The following SLC26A11 variants were observed in gnomAD, a reference collection of about 807,000 sequenced individuals.
SLC26A11 encodes solute carrier family 26 member 11, also known as sodium-independent sulfate anion transporter.
Under a neutral mutation model 62.2 loss-of-function variants are expected in SLC26A11, and 58 were observed. The observed-to-expected ratio is 0.93, with a 90% CI of 0.76 to 1.16. The LOEUF (loss-of-function observed/expected upper bound fraction) is 1.16. Among genes scored for constraint, SLC26A11 ranks in the 50% most tolerant of loss-of-function variants. The probability of loss-of-function intolerance (pLI) is 0.00; values close to 1 mark genes in which losing one functional copy is unlikely to be tolerated. For missense variants in SLC26A11, 790 were observed against 794.3 expected (o/e 0.99, Z 0.06); for synonymous variants, 411 against 368.9 (o/e 1.11, Z -1.31).
intron 9 of SLC26A11, 76 bp downstream of exon 9, chr17:80,237,670 C>A: frequency 7.1e-7 from 1 of 1,401,688 alleles, no homozygotes; most frequent in Non-Finnish European, 9.9e-7. Flanking sequence ...TCTAGCTTGC[C>A]TTTATCCGTT....
In SLC26A11 at chr17:80,246,513, G is replaced by C; in HGVS notation, c.1158G>C (p.Val386=). The change falls in exon 13 of 18, where the codon GTG becomes GTC. Residue 386 remains valine, a synonymous_variant. Transcript: ENST00000361193. The surrounding 1 kb of genome is among the most constrained non-coding windows in gnomAD (Gnocchi z 4.4). ...CTPAGGLVTG[V]LVLLSLDYLT... ...CTGTGTTCCCGTGCCCCGCAGGAGTGCTGGTGCTGCTGTCTCTGGACTACC... is the reference window on the plus strand; with the variant it reads ...CTGTGTTCCCGTGCCCCGCAGGAGTCCTGGTGCTGCTGTCTCTGGACTACC... 6.2e-7 allele frequency: 1 copy of C among 1,611,346 alleles called. No individual in the cohort carries two copies. Among genetic ancestry groups the C allele is most frequent in the South Asian group, 1.1e-5 (1 of 91,082 alleles).
Position 80,234,285 on chromosome 17 carries a change from G to A in SLC26A11, c.737-2643G>A, listed in dbSNP as rs144566348. On this transcript the variant is annotated intron_variant, in intron 7 of 17. Coordinates refer to ENST00000361193, the MANE Select transcript of SLC26A11 (RefSeq NM_001166347.2). Reference sequence around the variant, plus strand: ...CTCCCAAAGTGCTAGGATTACAGGCGTGAGCCACTTTGCCTGGCCTCAGGA... The same window carrying A: ...CTCCCAAAGTGCTAGGATTACAGGCATGAGCCACTTTGCCTGGCCTCAGGA... Among the ~76,000 whole-genome samples the A allele has an allele frequency of 7.0e-3, 1,065 of 152,286 alleles. 16 individuals carry two copies. The highest frequency in any genetic ancestry group is 0.024 in the African/African-American group (994 of 41,552).
Position 80,249,217 on chromosome 17 carries a change from TG to T in SLC26A11, c.1587del (p.Leu530TrpfsTer35). ...THVCSIDYTV[V>X]LGLGELLQDF... Reference sequence around the variant, plus strand: ...GTCTGCAGCATCGACTACACTGTGGTGCTGGGACTCGGCGAGCTCCTCCAGG... The same window carrying T: ...GTCTGCAGCATCGACTACACTGTGGTCTGGGACTCGGCGAGCTCCTCCAGG... On this transcript the variant is annotated frameshift_variant, in exon 16 of 18. Transcript: ENST00000361193. LOFTEE classifies it high-confidence loss of function. 6.2e-7 allele frequency: 1 copy of T among 1,611,418 alleles called. No individual in the cohort carries two copies.
intron 10 of SLC26A11, 106 bp from the exon 11 acceptor site, chr17:80,245,090 C>T: frequency 1.0e-6 from 1 of 991,920 alleles, no homozygotes; most frequent in Non-Finnish European, 1.6e-6. Context: ...TCTCCCGAGC[C>T]CTGCCTTCCT....
chr17:80,237,254 A>G, intron 8 of SLC26A11, 151 bp downstream of exon 8: 3 of 1,024,734 alleles, frequency 2.9e-6, no homozygotes, highest in Non-Finnish European at 4.1e-6. Context: ...TTATTAAAGA[A>G]TCCCAGGTTG....
Position 80,248,269 on chromosome 17 carries a change from T to G in SLC26A11, c.1422+12T>G. ...GGCCTGAGACCAAGGTACCCCTCCG[T>G]GGCCTCTGAGTGGGGAGTGTGCTGG... On this transcript the variant is annotated intron_variant, in intron 14 of 17. Coordinates refer to ENST00000361193, the MANE Select transcript of SLC26A11 (RefSeq NM_001166347.2). 1 of 1,604,544 alleles carries G rather than the reference T, an allele frequency of 6.2e-7. No homozygotes were observed. The highest frequency in any genetic ancestry group is 8.5e-7 in the Non-Finnish European group (1 of 1,177,300).
At chr17:80,235,354 T>A (rs1436081009) in intron 7 of SLC26A11, among the ~76,000 whole-genome samples, 1 of 152,124 alleles carries the variant, frequency 6.6e-6, no homozygotes, top group Non-Finnish European at 1.5e-5. Context: ...GTCTTTTTTT[T>A]ATTTTTTATT....
Position 80,252,618 on chromosome 17 carries a change from T to A in SLC26A11, c.1730-7T>A. 6.2e-7 allele frequency: 1 copy of A among 1,613,306 alleles called. No homozygotes were observed. The highest frequency in any genetic ancestry group is 8.5e-7 in the Non-Finnish European group (1 of 1,179,588). The stretch of plus-strand genomic sequence containing the variant: ...AGTGCTTGAAACATTTATTGTATTT[T>A]CTGCAGAGAAGCACCTGAGGCAGGA... On this transcript the variant is annotated splice_polypyrimidine_tract_variant and splice_region_variant and intron_variant, in intron 17 of 17. Coordinates refer to ENST00000361193, the MANE Select transcript of SLC26A11 (RefSeq NM_001166347.2). This position sits in a 1 kb window ranked among gnomAD's most constrained non-coding sequence, Gnocchi z 5.2.
Position 80,252,816 on chromosome 17 carries a change from G to A in SLC26A11, c.*100G>A. 1.8e-6 allele frequency: 2 copies of A among 1,103,596 alleles called. No homozygotes were observed. The highest frequency in any genetic ancestry group is 1.4e-5 in the South Asian group (1 of 71,186). 68.4% of individuals were successfully genotyped at this position (1,103,596 alleles called of 1,614,324 possible). A position where few individuals can be genotyped will look rare whatever the true frequency, so the allele number is the denominator to read the frequency against. On this transcript the variant is annotated 3_prime_UTR_variant, in exon 18 of 18. Transcript: ENST00000361193. The surrounding 1 kb of genome is among the most constrained non-coding windows in gnomAD (Gnocchi z 5.2). Reference sequence around the variant, plus strand: ...GCCGCCTGATAGACATGCTGGCCTGGCTGAGAAACCCCTGAGCAGGTAACC... The same window carrying A: ...GCCGCCTGATAGACATGCTGGCCTGACTGAGAAACCCCTGAGCAGGTAACC...
chr17:80,232,881 T>C (rs2042598386), intron 7 of SLC26A11, among the ~76,000 whole-genome samples: 1 of 152,214 alleles, frequency 6.6e-6, no homozygotes, highest in Non-Finnish European at 1.5e-5. Context: ...TCTAAGTGAC[T>C]GCTTTAAGGT....
At chr17:80,226,306 C>T (rs1343433716) in intron 6 of SLC26A11, among the ~76,000 whole-genome samples, 1 of 152,060 alleles carries the variant, frequency 6.6e-6, no homozygotes, top group African/African-American at 2.4e-5. Context: ...GAACACAGGG[C>T]GTGGGGAGCT....
In SLC26A11 at chr17:80,228,728, T is replaced by C. The variant is rs149647279; in HGVS notation, c.736+768T>C. On this transcript the variant is annotated intron_variant, in intron 7 of 17. Transcript: ENST00000361193. This position sits in a 1 kb window ranked among gnomAD's most constrained non-coding sequence, Gnocchi z 4.1. ...GCGGTGCCGAGGTGGAGAAACACAG[T>C]CTACTGGCAGGTCCTGGGGAGACAG... Among the ~76,000 whole-genome samples, 1 of 152,304 alleles carries C rather than the reference T, an allele frequency of 6.6e-6. No individual in the cohort carries two copies. The highest frequency in any genetic ancestry group is 1.9e-4 in the East Asian group (1 of 5,186).
At chr17:80,236,870 G>A (rs1268895824) in intron 7 of SLC26A11, 58 bp from the exon 8 acceptor site, 1 of 1,553,470 alleles carries the variant, frequency 6.4e-7, no homozygotes, top group Non-Finnish European at 8.8e-7. Context: ...GGAGGCAGCC[G>A]CGCTACCCCA....
intron 9 of SLC26A11, 25 bp downstream of exon 9, chr17:80,237,619 C>G: frequency 1.2e-6 from 2 of 1,603,890 alleles, no homozygotes; most frequent in Non-Finnish European, 1.7e-6. Context: ...ACCCACACCC[C>G]AGGTCTCCCA....
At position 80,246,163 on chromosome 17, in the gene SLC26A11, G is replaced by A; in HGVS notation, c.1107G>A (p.Val369=). ...CTGTGTTGCCTTCCAGGACAGCCGTGAACGCTCAGTCGGGGGTGTGCACCC... is the reference window on the plus strand; with the variant it reads ...CTGTGTTGCCTTCCAGGACAGCCGTAAACGCTCAGTCGGGGGTGTGCACCC... The part of the protein sequence containing the change: ...PVTGSFGRTA[V]NAQSGVCTPA... The change falls in exon 12 of 18, where the codon GTG becomes GTA. Residue 369 remains valine (V), a synonymous_variant. Transcript: ENST00000361193. This position sits in a 1 kb window ranked among gnomAD's most constrained non-coding sequence, Gnocchi z 4.4. The A allele has an allele frequency of 6.2e-7, 1 of 1,613,248 alleles. No homozygotes were observed. The highest frequency in any genetic ancestry group is 1.1e-5 in the South Asian group (1 of 91,082).
At position 80,232,227 on chromosome 17, in the gene SLC26A11, A is replaced by G. The variant is rs530981202; in HGVS notation, c.736+4267A>G. On this transcript the variant is annotated intron_variant, in intron 7 of 17. Coordinates refer to ENST00000361193, the MANE Select transcript of SLC26A11 (RefSeq NM_001166347.2). ...TACTAAGAGAGCTACTCCAGCTTTC[A>G]TTAGTGTTAGCATATCTTTTCCCAT... is the stretch of plus-strand genomic sequence containing the variant. 4.6e-5 allele frequency among the ~76,000 whole-genome samples: 7 copies of G among 151,864 alleles called. No homozygotes were observed. In the South Asian group the frequency reaches 1.5e-3, roughly 32 times the overall value.
intron 16 of SLC26A11, among the ~76,000 whole-genome samples, chr17:80,250,218 C>G (rs1186284958): frequency 1.3e-5 from 2 of 152,164 alleles, no homozygotes; most frequent in Admixed American, 1.3e-4. Flanking sequence ...TGTCCCCAGG[C>G]GCCCAGAGGA....
At position 80,237,102 on chromosome 17, in the gene SLC26A11, A is replaced by G. The variant is rs754423795; in HGVS notation, c.911A>G (p.Gln304Arg). ...NGTISFTEMV[Q>R]DMGAGLAVVP... ...ACGATCTCCTTCACCGAGATGGTGC[A>G]GGTGGGCGGAGCCGGGAGGCAGGAT... The change falls in exon 8 of 18, where the codon CAG becomes CGG. Residue 304 changes from glutamine to arginine, a missense_variant and splice_region_variant. Physicochemically the swap from Gln to Arg is conservative, Grantham distance 43 (BLOSUM62 1). Coordinates refer to ENST00000361193, the MANE Select transcript of SLC26A11 (RefSeq NM_001166347.2). 5.0e-6 allele frequency: 8 copies of G among 1,606,876 alleles called. No individual in the cohort carries two copies. The highest frequency in any genetic ancestry group is 6.8e-6 in the Non-Finnish European group (8 of 1,175,106).
intron 7 of SLC26A11, among the ~76,000 whole-genome samples, chr17:80,233,235 G>A (rs1334751698): frequency 6.7e-6 from 1 of 148,852 alleles, no homozygotes; most frequent in Non-Finnish European, 1.5e-5. Context: ...CTGGGCTCAA[G>A]TAATTCTCCT....
Sources: allele counts gnomAD v4.1 joint callset (sites outside exome capture counted in the v4.1 genomes callset), GRCh38; gene constraint gnomAD v4.1.1; non-coding constraint Gnocchi (gnomAD v3.1); transcripts MANE v1.5; gene names NCBI Gene and HGNC (gene_info 2026-07-23, HGNC 2026-07-21).